WDR4: variants seen among roughly 807,000 people sequenced by gnomAD.
WDR4 encodes WDR4 tRNA N7-guanosine methyltransferase non-catalytic subunit.
In WDR4, 47 loss-of-function variants were observed where a neutral mutation model predicts 48.6. The ratio of observed to expected loss-of-function variants is 0.97; its 90% CI spans 0.77 to 1.23. The LOEUF (loss-of-function observed/expected upper bound fraction) is 1.23. Ranked by LOEUF, WDR4 falls within the 50% of genes most tolerant of loss-of-function variation. The pLI is 0.00. For missense variants in WDR4, 606 were observed against 551.6 expected (o/e 1.10, Z -0.99); for synonymous variants, 268 against 230.0 (o/e 1.17, Z -1.49).
chr21:42,871,183 A>T (rs961851388), intron 3 of WDR4, among the ~76,000 whole-genome samples: 8 of 152,220 alleles, frequency 5.3e-5, no homozygotes, highest in Non-Finnish European at 1.0e-4. Context: ...GCCTCAGAGG[A>T]ACCAGCCCTG....
chr21:42,887,097 A>C, the WDR4 span: 1 of 152,242 alleles, frequency 6.6e-6, no homozygotes, highest in Non-Finnish European at 1.5e-5. Flanking sequence ...AGTTCAAGTG[A>C]TTCTCCTGCC....
At chr21:42,880,157 G>C (rs979090763), upstream of WDR4, among the ~76,000 whole-genome samples, 4 of 151,824 alleles carry the variant, frequency 2.6e-5, no homozygotes, top group African/African-American at 9.7e-5. Flanking sequence ...TCCAAGATGT[G>C]GTCATGGGTG....
intron 3 of WDR4, among the ~76,000 whole-genome samples, chr21:42,873,344 C>A (rs1282567527): frequency 6.6e-6 from 1 of 152,198 alleles, no homozygotes; most frequent in Non-Finnish European, 1.5e-5. Context: ...TGGGACAGAA[C>A]AGCACCCCTG....
chr21:42,862,366 A>G lies in WDR4; in HGVS notation c.482T>C (p.Leu161Pro). ...VAVSPDDRFI[L>P]TADRDEKIRV... ...GATCTTCTCGTCCCGGTCGGCAGTGAGGATGAAGCGGTCATCAGGACTCAC... is the reference window on the plus strand; with the variant it reads ...GATCTTCTCGTCCCGGTCGGCAGTGGGGATGAAGCGGTCATCAGGACTCAC... Residue 161 changes from leucine to proline, a missense_variant, in exon 5 of 11, where the codon CTC becomes CCC. Physicochemically the swap from Leu to Pro is moderately conservative, Grantham distance 98 (BLOSUM62 -3). Transcript: ENST00000398208. The surrounding 1 kb of genome is among the most constrained non-coding windows in gnomAD (Gnocchi z 4.3). The G allele has an allele frequency of 6.2e-7, 1 of 1,610,634 alleles. No individual in the cohort carries two copies. The highest frequency in any genetic ancestry group is 8.5e-7 in the Non-Finnish European group (1 of 1,178,636).
At position 42,854,598 on chromosome 21, in the gene WDR4, CA is replaced by C. The variant is rs774940569; in HGVS notation, c.754del (p.Trp252GlyfsTer82). ...GAGCGCCACGCAGTTCTCCTGGCACCAGAATGCAATCCTGGACGCGGCAAAC... is the reference window on the plus strand; with the variant it reads ...GAGCGCCACGCAGTTCTCCTGGCACCGAATGCAATCCTGGACGCGGCAAAC... ...QKFAASRIAF[W>X]CQENCVALLC... On this transcript the variant is annotated frameshift_variant, in exon 8 of 11. Transcript: ENST00000398208. LOFTEE classifies it high-confidence loss of function. 6.2e-7 allele frequency: 1 copy of C among 1,613,848 alleles called. No individual in the cohort carries two copies. The highest frequency in any genetic ancestry group is 1.7e-5 in the Admixed American group (1 of 59,970).
At chr21:42,844,550 T>C (rs566944680), downstream of WDR4, among the ~76,000 whole-genome samples, 142 of 152,234 alleles carry the variant, frequency 9.3e-4, no homozygotes, top group African/African-American at 3.2e-3. Context: ...CCACAAGCGT[T>C]GAGTCTGGAT....
At chr21:42,853,044 G>A (rs149039317) in intron 9 of WDR4, among the ~76,000 whole-genome samples, 174 of 152,284 alleles carry the variant, frequency 1.1e-3, no homozygotes, top group African/African-American at 3.9e-3. Context: ...TACCAGGAGC[G>A]ATGCAGACAA....
At chr21:42,886,242 C>A in the WDR4 span, among the ~76,000 whole-genome samples, 1 of 152,180 alleles carries the variant, frequency 6.6e-6, no homozygotes, top group African/African-American at 2.4e-5. Flanking sequence ...CAGGCATGAG[C>A]CACCGTGCCC....
chr21:42,853,942 C>T (rs1248610123), intron 8 of WDR4, among the ~76,000 whole-genome samples, 190 bp from the exon 9 acceptor site: 3 of 152,172 alleles, frequency 2.0e-5, no homozygotes, highest in Admixed American at 1.3e-4. Flanking sequence ...TTTTTTAAGT[C>T]CTAAGCTCTG....
intron 6 of WDR4, 53 bp downstream of exon 6, chr21:42,859,609 C>CCCCCCCCCCG: frequency 1.4e-6 from 1 of 739,430 alleles, no homozygotes; most frequent in Non-Finnish European, 2.0e-6. Context: ...CCACCCCACC[C>CCCCCCCCCCG]TCCCTGCAGG....
chr21:42,890,756 C>A, the WDR4 span, among the ~76,000 whole-genome samples: 1 of 152,198 alleles, frequency 6.6e-6, no homozygotes, highest in Non-Finnish European at 1.5e-5. Flanking sequence ...ACAGCCTCTG[C>A]TGTCGGAAAA....
At chr21:42,868,083 T>C (rs1039126353) in intron 3 of WDR4, among the ~76,000 whole-genome samples, 3 of 152,170 alleles carry the variant, frequency 2.0e-5, no homozygotes, top group African/African-American at 7.2e-5. Context: ...AGAAGCCAAC[T>C]GCCACAGGCA....
At chr21:42,860,313 T>G (rs1280646370) in intron 5 of WDR4, among the ~76,000 whole-genome samples, 1 of 151,934 alleles carries the variant, frequency 6.6e-6, no homozygotes, top group African/African-American at 2.4e-5. Flanking sequence ...CTGTGAGGGG[T>G]TGGCCTGCAA....
chr21:42,869,602 A>G (rs1331493707), intron 3 of WDR4, among the ~76,000 whole-genome samples: 1 of 152,176 alleles, frequency 6.6e-6, no homozygotes, highest in Non-Finnish European at 1.5e-5. Flanking sequence ...TTGTAAAACT[A>G]AAGTGTCCAA....
chr21:42,861,051 C>T (rs2058102110), intron 5 of WDR4, among the ~76,000 whole-genome samples: 1 of 152,292 alleles, frequency 6.6e-6, no homozygotes, highest in East Asian at 1.9e-4. Context: ...GTGGCTCACG[C>T]CTGTAATCCC....
chr21:42,867,435 C>T (rs2058274194), intron 3 of WDR4, among the ~76,000 whole-genome samples: 1 of 151,354 alleles, frequency 6.6e-6, no homozygotes, highest in Non-Finnish European at 1.5e-5. Context: ...GGTAAAGGGG[C>T]ACTGCCAAGA....
At chr21:42,860,744 G>T (rs533730087) in intron 5 of WDR4, among the ~76,000 whole-genome samples, 10 of 152,246 alleles carry the variant, frequency 6.6e-5, no homozygotes. Context: ...GTTTCCAGGG[G>T]TCTGAAACAA....
intron 3 of WDR4, among the ~76,000 whole-genome samples, chr21:42,864,043 C>G (rs1454804585): frequency 1.3e-5 from 1 of 77,052 alleles, no homozygotes; most frequent in African/African-American, 9.4e-5. Context: ...GGAGGCGGAG[C>G]TTGCAGTGAG....
Position 42,852,277 on chromosome 21 carries a change from A to G in WDR4, c.1023T>C (p.Arg341=), listed in dbSNP as rs1302459354. 1 of 1,614,162 alleles carries G rather than the reference A, an allele frequency of 6.2e-7. No homozygotes were observed. Among genetic ancestry groups the G allele is most frequent in the South Asian group, 1.1e-5 (1 of 91,070 alleles). ...CACCTTCCAGCATGGCCCAGTTCCC[A>G]CGAAGAACACCAGAGACTTTCTTTA... ...TVLKKVSGVL[R]GNWAMLEGSA... Residue 341 remains arginine, a synonymous_variant, in exon 10 of 11, where the codon CGT becomes CGC. Transcript: ENST00000398208.
Sources: gnomAD v4.1 joint callset for allele counts (sites outside exome capture counted in the v4.1 genomes callset) on GRCh38, gnomAD v4.1.1 for gene constraint, Gnocchi (gnomAD v3.1) non-coding constraint, MANE v1.5 for transcripts, NCBI Gene and HGNC (gene_info 2026-07-23, HGNC 2026-07-21) for gene names.